The following HHIPL1 variants were observed in gnomAD, a reference collection of about 807,000 sequenced individuals.
HHIPL1 encodes the protein HHIP like 1, also known as HHIP-like protein 1.
In HHIPL1, 43 loss-of-function variants were observed where a neutral mutation model predicts 61.8. That is an observed-to-expected ratio of 0.70 (90% CI 0.55 to 0.90). The LOEUF is 0.90. Ranked by LOEUF, HHIPL1 falls within the 40% of genes least tolerant of loss-of-function variation. HHIPL1 has a pLI of 0.00. For missense variants in HHIPL1, 1,056 were observed against 1,157.7 expected (o/e 0.91, Z 1.28); for synonymous variants, 482 against 515.8 (o/e 0.93, Z 0.89).
intron 1 of HHIPL1, among the ~76,000 whole-genome samples, chr14:99,648,043 A>G (rs1179078972): frequency 6.6e-6 from 1 of 152,138 alleles, no homozygotes; most frequent in African/African-American, 2.4e-5. Flanking sequence ...TCATGTATTC[A>G]GCAGGCTCTT....
At chr14:99,646,776 AAATAT>A (rs201709385) in intron 1 of HHIPL1, among the ~76,000 whole-genome samples, 35,282 of 142,206 alleles carry the variant, frequency 0.25, 5,276 homozygotes, top group African/African-American at 0.4. Context: ...TCCGTCTCAA[AAATAT>A]AATATAATAT....
At chr14:99,674,435 G>A (rs571037822) in intron 8 of HHIPL1, among the ~76,000 whole-genome samples, 2 of 152,176 alleles carry the variant, frequency 1.3e-5, no homozygotes, top group African/African-American at 4.8e-5. Flanking sequence ...TGGGGTATAG[G>A]GGCTCTGCCT....
upstream of HHIPL1, among the ~76,000 whole-genome samples, chr14:99,640,475 G>T (rs1009837745): frequency 6.6e-6 from 1 of 151,958 alleles, no homozygotes; most frequent in Non-Finnish European, 1.5e-5. Flanking sequence ...TGTCGAGACA[G>T]GGCTTTGCCA....
the HHIPL1 span, among the ~76,000 whole-genome samples, chr14:99,633,572 G>A: frequency 6.6e-6 from 1 of 152,200 alleles, no homozygotes; most frequent in Non-Finnish European, 1.5e-5. Context: ...ATCACAATTG[G>A]ATTTGCACTG....
chr14:99,612,885 G>A, the HHIPL1 span, among the ~76,000 whole-genome samples: 1 of 152,250 alleles, frequency 6.6e-6, no homozygotes, highest in East Asian at 1.9e-4. Context: ...TAGGCCTGAG[G>A]TCTACAACCT....
At chr14:99,663,720 G>A (rs1282236111) in intron 6 of HHIPL1, among the ~76,000 whole-genome samples, 1 of 152,138 alleles carries the variant, frequency 6.6e-6, no homozygotes, top group Non-Finnish European at 1.5e-5. Flanking sequence ...ACCTCTCTGA[G>A]CTCCCGTTTG....
At position 99,677,114 on chromosome 14, in the gene HHIPL1, T is replaced by A. The variant is rs1428447570; in HGVS notation, c.*1488T>A. Reference sequence around the variant, plus strand: ...GGGTCTCCTAGCCACTAGTATAGGATCCTGGGCTGCAGCAGAAAGCTTTAG... The same window carrying A: ...GGGTCTCCTAGCCACTAGTATAGGAACCTGGGCTGCAGCAGAAAGCTTTAG... On this transcript the variant is annotated 3_prime_UTR_variant, in exon 9 of 9. Transcript: ENST00000330710. The surrounding 1 kb of genome is among the most constrained non-coding windows in gnomAD (Gnocchi z 4.3). 1 of 152,348 alleles carries A rather than the reference T, an allele frequency of 6.6e-6. No homozygotes were observed. The highest frequency in any genetic ancestry group is 1.9e-4 in the East Asian group (1 of 5,200). The allele number at this position is 152,348 out of a possible 1,614,324, so 9.4% of individuals were successfully genotyped here.
chr14:99,641,953 T>C (rs1046786613), upstream of HHIPL1, among the ~76,000 whole-genome samples: 2 of 150,710 alleles, frequency 1.3e-5, no homozygotes, highest in African/African-American at 4.9e-5. Context: ...TTTTTTTTTT[T>C]CTTTGAGACA....
In HHIPL1 at chr14:99,668,774, T is replaced by C; in HGVS notation, c.1730+471T>C. The C allele has an allele frequency of 6.4e-7, 1 of 1,566,970 alleles. No homozygotes were observed. Among genetic ancestry groups the C allele is most frequent in the Non-Finnish European group, 8.7e-7 (1 of 1,152,540 alleles). On this transcript the variant is annotated intron_variant, in intron 7 of 8. Transcript: ENST00000330710. This position sits in a 1 kb window ranked among gnomAD's most constrained non-coding sequence, Gnocchi z 4.7. Reference sequence around the variant, plus strand: ...CTTCCTCCTGTGGTCCATCTTCCACTGGGGAAAACACATTGGGGCTCCCTT... The same window carrying C: ...CTTCCTCCTGTGGTCCATCTTCCACCGGGGAAAACACATTGGGGCTCCCTT...
rs557745799 is a variant in HHIPL1 at position 99,659,277 on chromosome 14, G to A, written c.1047-151G>A. 7.2e-4 allele frequency: 399 copies of A among 556,296 alleles called. 6 individuals carry two copies. The South Asian group carries it at 0.011, about 15-fold the overall frequency. The allele number at this position is 556,296 out of a possible 1,614,324, so 34.5% of individuals were successfully genotyped here. A position where few individuals can be genotyped will look rare whatever the true frequency, so the allele number is the denominator to read the frequency against. ...TTACCCGGCTGTAAGTAGTTAAGGC[G>A]GACAGCATCCCAGGGTCTCTGGCCC... On this transcript the variant is annotated intron_variant, in intron 3 of 8. Transcript: ENST00000330710.
chr14:99,671,044 G>T (rs186384773), intron 7 of HHIPL1, among the ~76,000 whole-genome samples: 8 of 152,018 alleles, frequency 5.3e-5, no homozygotes, highest in Admixed American at 4.6e-4. Flanking sequence ...TCTCGCTCAC[G>T]GTCTTGTGTT....
chr14:99,615,657 GAAAGAAAGAA>G, the HHIPL1 span, among the ~76,000 whole-genome samples: 4 of 145,982 alleles, frequency 2.7e-5, no homozygotes, highest in African/African-American at 1.0e-4. Context: ...GAGAGAGAGA[GAAAGAAAGAA>G]AAAGAAAGAA....
chr14:99,626,531 A>G, the HHIPL1 span, among the ~76,000 whole-genome samples: 1 of 152,210 alleles, frequency 6.6e-6, no homozygotes, highest in Admixed American at 6.5e-5. Context: ...CAGGGAGTCC[A>G]GTGCCTCTGT....
At position 99,652,670 on chromosome 14, in the gene HHIPL1, C is replaced by A. The variant is rs762648606; in HGVS notation, c.702C>A (p.Asn234Lys). The A allele has an allele frequency of 5.0e-6, 8 of 1,613,886 alleles. No individual in the cohort carries two copies. In the East Asian group the frequency reaches 1.8e-4, roughly 36 times the overall value. Residue 234 changes from asparagine to lysine, a missense_variant, in exon 2 of 9, where the codon AAC becomes AAA. Physicochemically the swap from Asn to Lys is moderately conservative, Grantham distance 94. Transcript: ENST00000330710. Reference sequence around the variant, plus strand: ...CGAGGCTGGGGAAGCCTTTCCTGAACATCAGCCGGGTGGTGCTCACCTCGC... The same window carrying A: ...CGAGGCTGGGGAAGCCTTTCCTGAAAATCAGCCGGGTGGTGCTCACCTCGC... Reference protein sequence around the residue: ...DRSRLGKPFLNISRVVLTSPW... With the variant: ...DRSRLGKPFLKISRVVLTSPW...
intron 5 of HHIPL1, among the ~76,000 whole-genome samples, chr14:99,661,421 A>AGAAGGAAGGAAGGAAGGAAG (rs11276316): frequency 0.15 from 20,782 of 143,294 alleles, 1,693 homozygotes; most frequent in East Asian, 0.19. Context: ...GAGAGAGAAA[A>AGAAGGAAGGAAGGAAGGAAG]GAAGGAAGGA....
chr14:99,615,627 AAGAAAG>A, the HHIPL1 span, among the ~76,000 whole-genome samples: 2 of 130,180 alleles, frequency 1.5e-5, no homozygotes, highest in African/African-American at 5.5e-5. Flanking sequence ...GAAAGAAAGG[AAGAAAG>A]AGAAAGAAAG....
chr14:99,653,038 A>G (rs2055966366), intron 2 of HHIPL1, among the ~76,000 whole-genome samples, 168 bp downstream of exon 2: 1 of 152,234 alleles, frequency 6.6e-6, no homozygotes. Flanking sequence ...TTTACAGAAC[A>G]GACCTCACAC....
chr14:99,618,972 G>A, the HHIPL1 span, among the ~76,000 whole-genome samples: 2 of 152,222 alleles, frequency 1.3e-5, no homozygotes, highest in African/African-American at 4.8e-5. Flanking sequence ...CACAGCTCTG[G>A]GCACTGGGAT....
At position 99,669,012 on chromosome 14, in the gene HHIPL1, C is replaced by T. The variant is rs1400719336; in HGVS notation, c.1730+709C>T. 5 of 1,523,654 alleles carry T rather than the reference C, an allele frequency of 3.3e-6. No homozygotes were observed. In the African/African-American group the frequency reaches 4.2e-5, roughly 13 times the overall value. 94.4% of individuals were successfully genotyped at this position (1,523,654 alleles called of 1,614,324 possible). A position where few individuals can be genotyped will look rare whatever the true frequency, so the allele number is the denominator to read the frequency against. On this transcript the variant is annotated intron_variant, in intron 7 of 8. Transcript: ENST00000330710. The stretch of plus-strand genomic sequence containing the variant: ...TGGCTCCAGAGCCCTGCCCTAACCC[C>T]TTGGCTGTGTGCCTTCACCTCACCC...
Sources: allele counts gnomAD v4.1 joint callset (sites outside exome capture counted in the v4.1 genomes callset), GRCh38; gene constraint gnomAD v4.1.1; non-coding constraint Gnocchi (gnomAD v3.1); transcripts MANE v1.5; gene names NCBI Gene and HGNC (gene_info 2026-07-23, HGNC 2026-07-21).